The following NRG1 variants were observed in gnomAD, a reference collection of about 807,000 sequenced individuals.
NRG1 encodes the protein pro-neuregulin-1, membrane-bound isoform.
A neutral mutation model predicts 63.8 loss-of-function variants in NRG1; 18 were observed. The ratio of observed to expected loss-of-function variants is 0.28; its 90% CI spans 0.19 to 0.42. The LOEUF is 0.42. NRG1 is among the 10% of genes least tolerant of loss of function. The pLI is 1.00. For synonymous variants in NRG1, 302 were observed against 301.3 expected (o/e 1.00, Z -0.02); for missense variants, 762 against 814.7 (o/e 0.94, Z 0.79).
intron 1 of NRG1, among the ~76,000 whole-genome samples, chr8:31,815,742 C>T (rs1230996467): frequency 6.6e-6 from 1 of 152,190 alleles, no homozygotes; most frequent in Non-Finnish European, 1.5e-5. Context: ...TTCGCATTCT[C>T]GCCAAAATTT....
chr8:32,636,613 A>G (rs1588884059), intron 5 of NRG1, among the ~76,000 whole-genome samples: 1 of 152,094 alleles, frequency 6.6e-6, no homozygotes, highest in Non-Finnish European at 1.5e-5. Flanking sequence ...TGAACTTTAC[A>G]TTTTCTCAAG....
intron 1 of NRG1, among the ~76,000 whole-genome samples, chr8:32,242,128 A>G (rs1221814087): frequency 6.6e-6 from 1 of 152,112 alleles, no homozygotes; most frequent in African/African-American, 2.4e-5. Flanking sequence ...TAGTTTCCCC[A>G]TATGTAAAAA....
intron 1 of NRG1, among the ~76,000 whole-genome samples, chr8:31,831,427 A>AT (rs35128768): frequency 0.24 from 36,405 of 151,924 alleles, 4,671 homozygotes; most frequent in Non-Finnish European, 0.27. Flanking sequence ...AGGGTTTGAG[A>AT]TTTTTTTTGG....
At chr8:32,536,813 A>G (rs966833459) in intron 1 of NRG1, among the ~76,000 whole-genome samples, 1 of 143,294 alleles carries the variant, frequency 7.0e-6, no homozygotes, top group Admixed American at 7.4e-5. Flanking sequence ...AGTCCCAGCT[A>G]CTCGGGAGGC....
chr8:31,772,570 G>C (rs1818729804), intron 1 of NRG1, among the ~76,000 whole-genome samples: 1 of 152,008 alleles, frequency 6.6e-6, no homozygotes, highest in Non-Finnish European at 1.5e-5. Flanking sequence ...GGACCCTCTG[G>C]GAAGGTAGGT....
chr8:32,042,995 C>G (rs1376002598), intron 1 of NRG1, among the ~76,000 whole-genome samples: 3 of 12,008 alleles, frequency 2.5e-4, no homozygotes, highest in Non-Finnish European at 1.3e-3. Flanking sequence ...TGTGTATGAA[C>G]ATGTACACAA....
chr8:32,719,789 G>A (rs1403693738), intron 5 of NRG1, among the ~76,000 whole-genome samples: 2 of 151,856 alleles, frequency 1.3e-5, no homozygotes, highest in Non-Finnish European at 2.9e-5. Flanking sequence ...AAGAAACCAG[G>A]TTGTTTGTCC....
intron 1 of NRG1, among the ~76,000 whole-genome samples, chr8:32,552,814 T>C (rs1047915795): frequency 8.6e-5 from 13 of 152,026 alleles, no homozygotes; most frequent in African/African-American, 3.1e-4. Context: ...ATAACACTAA[T>C]GAAAAAGAGG....
chr8:32,265,438 T>A (rs1665564408), intron 1 of NRG1, among the ~76,000 whole-genome samples: 1 of 152,148 alleles, frequency 6.6e-6, no homozygotes, highest in Non-Finnish European at 1.5e-5. Context: ...GTGACCTTTT[T>A]AAATAAAAAG....
At chr8:32,578,867 G>A (rs1036808479) in intron 1 of NRG1, among the ~76,000 whole-genome samples, 10 of 152,148 alleles carry the variant, frequency 6.6e-5, no homozygotes, top group African/African-American at 2.2e-4. Flanking sequence ...TAGAACTATG[G>A]TGTGTCCTTC....
At chr8:31,780,723 G>A (rs1262141108) in intron 1 of NRG1, among the ~76,000 whole-genome samples, 2 of 152,162 alleles carry the variant, frequency 1.3e-5, no homozygotes, top group African/African-American at 4.8e-5. Flanking sequence ...AAATATTGGA[G>A]CAAATCAGAG....
At chr8:31,947,167 G>T (rs1286717984) in intron 1 of NRG1, among the ~76,000 whole-genome samples, 1 of 151,690 alleles carries the variant, frequency 6.6e-6, no homozygotes, top group Non-Finnish European at 1.5e-5. Flanking sequence ...GGGCGCGGTG[G>T]CGGGCGCCTG....
At chr8:32,663,823 G>A (rs567476196) in intron 5 of NRG1, among the ~76,000 whole-genome samples, 2 of 152,208 alleles carry the variant, frequency 1.3e-5, no homozygotes, top group African/African-American at 2.4e-5. Flanking sequence ...AGTTCAGCCC[G>A]TGCCTGCAGT....
At chr8:31,894,146 G>T (rs1831371247) in intron 1 of NRG1, among the ~76,000 whole-genome samples, 1 of 152,086 alleles carries the variant, frequency 6.6e-6, no homozygotes, top group African/African-American at 2.4e-5. Flanking sequence ...TCATGTAATT[G>T]TACCCATGTA....
chr8:32,248,497 T>A (rs1214682884), intron 1 of NRG1, among the ~76,000 whole-genome samples: 2 of 152,072 alleles, frequency 1.3e-5, no homozygotes, highest in Admixed American at 1.3e-4. Context: ...AAATTATGCT[T>A]GGTTACCAAT....
chr8:31,809,728 CCTT>C (rs1822668000), intron 1 of NRG1, among the ~76,000 whole-genome samples: 1 of 134,424 alleles, frequency 7.4e-6, no homozygotes, highest in African/African-American at 2.8e-5. Flanking sequence ...TTTTTCTACT[CCTT>C]CTATTAATTG....
At chr8:32,490,328 C>T (rs1389283292) in intron 1 of NRG1, among the ~76,000 whole-genome samples, 2 of 151,730 alleles carry the variant, frequency 1.3e-5, no homozygotes, top group East Asian at 3.9e-4. Context: ...CTGGGGGCCA[C>T]ACAACAGACA....
intron 1 of NRG1, among the ~76,000 whole-genome samples, chr8:31,897,605 C>T (rs1441349368): frequency 6.6e-6 from 1 of 152,116 alleles, no homozygotes; most frequent in African/African-American, 2.4e-5. Context: ...TACCTGGAGG[C>T]TTCTTCTGCA....
Position 32,254,929 on chromosome 8 carries a change from T to C in NRG1, c.38-340899T>C, listed in dbSNP as rs550878922. 2.0e-5 allele frequency among the ~76,000 whole-genome samples: 3 copies of C among 152,352 alleles called. No individual in the cohort carries two copies. In the South Asian group the frequency reaches 6.2e-4, roughly 32 times the overall value. ...AGGATAGTTAACTCTTCTTGTTGCA[T>C]TGATCTCTTTACCATTACATAATGC... On this transcript the variant is annotated intron_variant, in intron 1 of 10. Transcript: ENST00000519301.
Sources: allele counts gnomAD v4.1 joint callset (sites outside exome capture counted in the v4.1 genomes callset), GRCh38; gene constraint gnomAD v4.1.1; transcripts MANE v1.5; gene names NCBI Gene and HGNC (gene_info 2026-07-23, HGNC 2026-07-21).